CC2D2A: variants seen among roughly 807,000 people sequenced by gnomAD.
The protein encoded by CC2D2A is coiled-coil and C2 domain-containing protein 2A.
In CC2D2A, 155 loss-of-function variants were observed where a neutral mutation model predicts 212.9. The observed-to-expected ratio is 0.73, with a 90% CI of 0.64 to 0.83. The LOEUF (loss-of-function observed/expected upper bound fraction) is 0.83, where lower values mean the gene tolerates loss of function less well. Among genes scored for constraint, CC2D2A ranks in the 40% least tolerant of loss-of-function variants. CC2D2A has a pLI of 0.00. For synonymous variants in CC2D2A, 667 were observed against 686.5 expected (o/e 0.97, Z 0.44); for missense variants, 1,856 against 1,956.2 (o/e 0.95, Z 0.97).
rs769392158 is a variant in CC2D2A at position 15,559,184 on chromosome 4, G to A, written c.2849G>A (p.Arg950Gln). 23 of 1,550,426 alleles carry A rather than the reference G, an allele frequency of 1.5e-5. No individual in the cohort carries two copies. The highest frequency in any genetic ancestry group is 9.7e-5 in the East Asian group (4 of 41,032). The change falls in exon 22 of 37, where the codon CGA (arginine) becomes CAA (glutamine). Residue 950 changes from arginine to glutamine, a missense_variant. Transcript: ENST00000424120. ...KVFQDYEKRL[R>Q]DRNVIETKEH... is the part of the protein sequence containing the mutation. ...TTTTAGGACTATGAGAAACGGTTAC[G>A]AGACAGAAATGTAATAGAAACCAAG...
chr4:15,481,351 A>C, intron 4 of CC2D2A: 1 of 367,522 alleles, frequency 2.7e-6, no homozygotes. Flanking sequence ...TCTACTAAAA[A>C]TACAAAAAAA....
intron 1 of CC2D2A, among the ~76,000 whole-genome samples, chr4:15,473,575 T>C (rs978321821): frequency 5.3e-5 from 8 of 152,150 alleles, no homozygotes; most frequent in East Asian, 3.9e-4. Flanking sequence ...AGGGAAATCA[T>C]TGGAGGATTT....
chr4:15,582,140 A>C (rs1720688454), intron 30 of CC2D2A, among the ~76,000 whole-genome samples: 1 of 152,180 alleles, frequency 6.6e-6, no homozygotes, highest in Non-Finnish European at 1.5e-5. Context: ...AGATTTTTTA[A>C]AGTACCAAGT....
At chr4:15,553,060 C>G (rs1719087711) in intron 18 of CC2D2A, 98 bp from the exon 19 acceptor site, 8 of 1,053,218 alleles carry the variant, frequency 7.6e-6, no homozygotes, top group Non-Finnish European at 9.2e-6. Flanking sequence ...CACCCCCACC[C>G]ACTCCAAGTT....
chr4:15,492,664 G>A, intron 4 of CC2D2A: 1 of 599,076 alleles, frequency 1.7e-6, no homozygotes, highest in Non-Finnish European at 3.1e-6. Context: ...GGACTCCTCA[G>A]CAGCTGAGGG....
chr4:15,583,314 A>T (rs536808685), intron 30 of CC2D2A, among the ~76,000 whole-genome samples: 2 of 152,352 alleles, frequency 1.3e-5, no homozygotes, highest in South Asian at 4.1e-4. Context: ...TCTATTCAAC[A>T]TAGTACTGAA....
intron 6 of CC2D2A, among the ~76,000 whole-genome samples, chr4:15,508,649 T>C (rs1322709992): frequency 6.6e-6 from 1 of 152,090 alleles, no homozygotes; most frequent in Non-Finnish European, 1.5e-5. Context: ...AATCAGACAA[T>C]TTGATTCCAA....
At chr4:15,484,495 G>A (rs952237951) in intron 4 of CC2D2A, among the ~76,000 whole-genome samples, 4 of 152,104 alleles carry the variant, frequency 2.6e-5, no homozygotes, top group Admixed American at 6.5e-5. Context: ...GAAGGAGTGA[G>A]GGCAGAAGCA....
intron 6 of CC2D2A, among the ~76,000 whole-genome samples, chr4:15,506,351 T>C (rs555350269): frequency 6.6e-6 from 1 of 152,274 alleles, no homozygotes; most frequent in South Asian, 2.1e-4. Context: ...ATAAATCACA[T>C]CAATGAAATT....
chr4:15,504,049 A>G (rs1438554573), intron 6 of CC2D2A, among the ~76,000 whole-genome samples: 2 of 152,164 alleles, frequency 1.3e-5, no homozygotes, highest in Non-Finnish European at 2.9e-5. Flanking sequence ...TGTTGTTTTT[A>G]TTGGTTTGGG....
chr4:15,582,614 T>C (rs187541019), intron 30 of CC2D2A, among the ~76,000 whole-genome samples: 1 of 152,278 alleles, frequency 6.6e-6, no homozygotes, highest in African/African-American at 2.4e-5. Context: ...AATAAATTCA[T>C]GAACATATAC....
intron 4 of CC2D2A, among the ~76,000 whole-genome samples, chr4:15,493,550 G>A (rs1211521463): frequency 6.6e-6 from 1 of 152,120 alleles, no homozygotes; most frequent in African/African-American, 2.4e-5. Flanking sequence ...TGAGATTACA[G>A]GCTTGAGTCA....
intron 11 of CC2D2A, among the ~76,000 whole-genome samples, chr4:15,518,326 G>A (rs534274588): frequency 2.9e-4 from 44 of 152,262 alleles, no homozygotes; most frequent in South Asian, 1.9e-3. Flanking sequence ...CTCGCATTCC[G>A]GTCATGCTGA....
intron 36 of CC2D2A, among the ~76,000 whole-genome samples, chr4:15,600,448 A>C (rs1226184507): frequency 6.6e-6 from 1 of 152,178 alleles, no homozygotes; most frequent in Admixed American, 6.5e-5. Flanking sequence ...TTCCTCATGG[A>C]AGCAAATGCT....
At chr4:15,494,202 G>T (rs370484087) in intron 4 of CC2D2A, among the ~76,000 whole-genome samples, 2 of 152,160 alleles carry the variant, frequency 1.3e-5, no homozygotes, top group Non-Finnish European at 1.5e-5. Flanking sequence ...TGAGAGCACC[G>T]AGTCTTGTCC....
chr4:15,483,476 C>T (rs1293800307), intron 4 of CC2D2A, among the ~76,000 whole-genome samples: 5 of 152,122 alleles, frequency 3.3e-5, no homozygotes, highest in Admixed American at 6.5e-5. Context: ...TCAGTCCTTT[C>T]GACATATTTG....
rs1277536185 is a variant in CC2D2A, at chr4:15,597,433, A to G, written c.4464A>G (p.Ser1488=). The G allele has an allele frequency of 3.2e-6, 5 of 1,553,364 alleles. No homozygotes were observed. Among genetic ancestry groups the G allele is most frequent in the Non-Finnish European group, 4.4e-6 (5 of 1,147,648 alleles). The change falls in exon 35 of 37, where the codon TCA becomes TCG. Residue 1488 remains serine (S), a synonymous_variant. Transcript: ENST00000424120. ...VQPEELIYQR[S]DKAAAAELQD... is the part of the protein sequence containing the mutation. Reference sequence around the variant, plus strand: ...CTGAAGAGCTAATTTACCAGCGCTCAGACAAAGCAGCTGCAGCTGAGCTAC... The same window carrying G: ...CTGAAGAGCTAATTTACCAGCGCTCGGACAAAGCAGCTGCAGCTGAGCTAC...
chr4:15,479,309 G>T (rs565947106), intron 3 of CC2D2A: 1 of 1,537,088 alleles, frequency 6.5e-7, no homozygotes, highest in East Asian at 2.4e-5. Flanking sequence ...AGCATCCCGT[G>T]CAGGGTAAAT....
In CC2D2A at chr4:15,567,436, C is replaced by T. The variant is rs772038406; in HGVS notation, c.3242C>T (p.Pro1081Leu). The T allele has an allele frequency of 3.7e-6, 6 of 1,613,394 alleles. No homozygotes were observed. In the East Asian group the frequency reaches 1.1e-4, roughly 30 times the overall value. The change falls in exon 25 of 37, where the codon CCA (proline) becomes CTA (leucine). Residue 1081 changes from proline (P) to leucine (L), a missense_variant. Around this residue, in one of 5 missense-constraint regions of CC2D2A, gnomAD observed 1,512 missense variants for 1,579.3 expected, o/e 0.96. Transcript: ENST00000424120. ...TTCAGTGAAAAGCATGCTGCTTCCCCAAGCACGTACAGCCCAACCCACAAT... is the reference window on the plus strand; with the variant it reads ...TTCAGTGAAAAGCATGCTGCTTCCCTAAGCACGTACAGCCCAACCCACAAT... ...RMFSEKHAAS[P>L]STYSPTHNAD...
Sources: gnomAD v4.1 joint callset for allele counts (sites outside exome capture counted in the v4.1 genomes callset) on GRCh38, gnomAD v4.1.1 for gene constraint, gnomAD v4.1.1 regional missense constraint, MANE v1.5 for transcripts, NCBI Gene and HGNC (gene_info 2026-07-23, HGNC 2026-07-21) for gene names.